Variants in CHRDL2 observed in about 807,000 individuals in gnomAD.
The protein encoded by CHRDL2 is chordin-like protein 2.
CHRDL2 carries 41 observed loss-of-function variants against 54.3 expected under a neutral mutation model. The ratio of observed to expected loss-of-function variants is 0.76; its 90% CI spans 0.59 to 0.98. The LOEUF (loss-of-function observed/expected upper bound fraction) is 0.98. Among genes scored for constraint, CHRDL2 ranks in the 50% least tolerant of loss-of-function variants. CHRDL2 has a pLI of 0.00. For synonymous variants in CHRDL2, 220 were observed against 224.3 expected (o/e 0.98, Z 0.17); for missense variants, 518 against 562.4 (o/e 0.92, Z 0.80).
intron 7 of CHRDL2, 93 bp downstream of exon 7, chr11:74,704,393 G>T: frequency 8.0e-7 from 1 of 1,244,912 alleles, no homozygotes; most frequent in South Asian, 1.5e-5. Context: ...GGGAACTGCT[G>T]AGGAGAGGGT....
intron 8 of CHRDL2, 73 bp downstream of exon 8, chr11:74,703,232 C>A: frequency 6.7e-7 from 1 of 1,493,226 alleles, no homozygotes; most frequent in South Asian, 1.3e-5. Context: ...CTCCAAGTGT[C>A]TGTGGCCCTG....
chr11:74,722,472 G>A (rs2034513466), intron 1 of CHRDL2, among the ~76,000 whole-genome samples: 1 of 152,122 alleles, frequency 6.6e-6, no homozygotes, highest in Non-Finnish European at 1.5e-5. Flanking sequence ...ACCTCTCAGA[G>A]TTACTGTAGA....
rs1180223671 is a variant in CHRDL2 at position 74,731,344 on chromosome 11, C to CCGGCGGGGCGGCGGTCCCAGCAGCGG, written c.-482_-457dup. The CCGGCGGGGCGGCGGTCCCAGCAGCGG allele has an allele frequency of 1.1e-4, 17 of 148,264 alleles. No individual in the cohort carries two copies. Among genetic ancestry groups the CCGGCGGGGCGGCGGTCCCAGCAGCGG allele is most frequent in the African/African-American group, 3.9e-4 (16 of 41,020 alleles). 9.2% of individuals were successfully genotyped at this position (148,264 alleles called of 1,614,324 possible). On this transcript the variant is annotated 5_prime_UTR_variant, in exon 1 of 11. Coordinates refer to ENST00000376332, the MANE Select transcript of CHRDL2 (RefSeq NM_001278473.3). This position sits in a 1 kb window ranked among gnomAD's most constrained non-coding sequence, Gnocchi z 4.4. ...GGGTCGGGCCGCGGGGGCCTGGGGC[C>CCGGCGGGGCGGCGGTCCCAGCAGCGG]CGGCGGGGCGGCGGTCCCAGCAGCG...
At chr11:74,708,151 G>T (rs2034068405) in intron 5 of CHRDL2, 151 bp downstream of exon 5, 1 of 522,452 alleles carries the variant, frequency 1.9e-6, no homozygotes, top group Non-Finnish European at 3.3e-6. Context: ...TCTGCTTTCT[G>T]GGGGGTGCAG....
chr11:74,702,896 C>T lies in CHRDL2; in HGVS notation c.1018G>A (p.Val340Ile), dbSNP rs1421229995. The T allele has an allele frequency of 1.4e-5, 23 of 1,613,978 alleles. No homozygotes were observed. Among genetic ancestry groups the T allele is most frequent in the African/African-American group, 4.0e-5 (3 of 74,890 alleles). ...GGGCTTGGGGATACCGATGTGTGGA[C>T]GAGGACCCGGCCCGGTGCCTTGGGA... ...RCPKAPGRVL[V>I]HTSVSPSPDN... Residue 340 changes from valine to isoleucine, a missense_variant, in exon 9 of 11, where the codon GTC becomes ATC. By Grantham distance (29) the Val-to-Ile change is conservative. Coordinates refer to ENST00000376332, the MANE Select transcript of CHRDL2 (RefSeq NM_001278473.3).
At chr11:74,702,722 C>G in intron 9 of CHRDL2, 72 bp downstream of exon 9, 1 of 1,545,116 alleles carries the variant, frequency 6.5e-7, no homozygotes, top group Non-Finnish European at 8.9e-7. Context: ...CCCTAAGGCC[C>G]CTGTGGGGTC....
At chr11:74,715,933 G>A (rs1233004549) in intron 2 of CHRDL2, among the ~76,000 whole-genome samples, 10 of 151,442 alleles carry the variant, frequency 6.6e-5, no homozygotes, top group African/African-American at 4.9e-5. Flanking sequence ...AGCCGAGATC[G>A]TGCCACTGCA....
intron 10 of CHRDL2, 61 bp downstream of exon 10, chr11:74,697,144 C>T: frequency 7.3e-7 from 1 of 1,375,618 alleles, no homozygotes; most frequent in Non-Finnish European, 1.0e-6. Context: ...CCCCGAAAGG[C>T]TCTGGCCCGT....
chr11:74,722,468 C>CA (rs1032573468), intron 1 of CHRDL2, among the ~76,000 whole-genome samples: 2 of 152,142 alleles, frequency 1.3e-5, no homozygotes, highest in Admixed American at 1.3e-4. Context: ...CTTTACCTCT[C>CA]AGAGTTACTG....
chr11:74,731,146 A>G lies in CHRDL2; in HGVS notation c.-258T>C. On this transcript the variant is annotated 5_prime_UTR_variant, in exon 1 of 11. Transcript: ENST00000376332. The surrounding 1 kb of genome is among the most constrained non-coding windows in gnomAD (Gnocchi z 4.4). ...GAGATGGAGAGACGAAGGAAGGTCC[A>G]GCAGAAGGGAGAGGCGATCAAAGAA... 2.0e-6 allele frequency: 1 copy of G among 504,320 alleles called. No individual in the cohort carries two copies. The highest frequency in any genetic ancestry group is 3.5e-6 in the Non-Finnish European group (1 of 282,630). 31.2% of individuals were successfully genotyped at this position (504,320 alleles called of 1,614,324 possible).
Position 74,730,934 on chromosome 11 carries a change from G to A in CHRDL2, c.-46C>T. 1 of 1,512,190 alleles carries A rather than the reference G, an allele frequency of 6.6e-7. No homozygotes were observed. Among genetic ancestry groups the A allele is most frequent in the Non-Finnish European group, 9.0e-7 (1 of 1,109,446 alleles). The allele number at this position is 1,512,190 out of a possible 1,614,324, so 93.7% of individuals were successfully genotyped here. A position where few individuals can be genotyped will look rare whatever the true frequency, so the allele number is the denominator to read the frequency against. ...GCTGGTCCGGGAGCGGAGTCGGGAG[G>A]AAGGGAGACGAAAAGGACACGGAGG... is the stretch of plus-strand genomic sequence containing the variant. On this transcript the variant is annotated 5_prime_UTR_variant, in exon 1 of 11. Coordinates refer to ENST00000376332, the MANE Select transcript of CHRDL2 (RefSeq NM_001278473.3).
chr11:74,702,741 G>T, intron 9 of CHRDL2, 53 bp downstream of exon 9: 1 of 1,599,812 alleles, frequency 6.3e-7, no homozygotes, highest in Non-Finnish European at 8.6e-7. Flanking sequence ...TCTGGGGCAC[G>T]GGAAGGGGGA....
rs1305905101 is a variant in CHRDL2 at position 74,718,774 on chromosome 11, G to A, written c.141C>T (p.His47=). The change falls in exon 2 of 11, where the codon CAC becomes CAT. Residue 47 remains histidine, a synonymous_variant. Transcript: ENST00000376332. ...TCAGGCCTTGTGGCTCCAAGTAGGG[G>A]TGCCAGCTCTCGCCGGGGGAGTATC... ...GKRYSPGESW[H]PYLEPQGLMY... The A allele has an allele frequency of 6.2e-7, 1 of 1,613,848 alleles. No homozygotes were observed. Among genetic ancestry groups the A allele is most frequent in the Non-Finnish European group, 8.5e-7 (1 of 1,179,890 alleles).
At chr11:74,718,657 G>A (rs2034424502) in intron 2 of CHRDL2, 63 bp downstream of exon 2, 1 of 1,122,800 alleles carries the variant, frequency 8.9e-7, no homozygotes, top group Non-Finnish European at 1.3e-6. Flanking sequence ...CTTCTGGGGT[G>A]ACTTCTCTGG....
At chr11:74,726,205 T>C (rs2034568836) in intron 1 of CHRDL2, among the ~76,000 whole-genome samples, 1 of 152,210 alleles carries the variant, frequency 6.6e-6, no homozygotes, top group African/African-American at 2.4e-5. Context: ...CACATTTTTT[T>C]CTGCCTTGGA....
intron 3 of CHRDL2, 23 bp downstream of exon 3, chr11:74,713,363 T>C: frequency 1.9e-6 from 3 of 1,603,056 alleles, no homozygotes; most frequent in South Asian, 1.1e-5. Context: ...CCATGGACGA[T>C]GGGGAGGAGC....
In CHRDL2 at chr11:74,731,133, C is replaced by A; in HGVS notation, c.-245G>T. 1 of 516,704 alleles carries A rather than the reference C, an allele frequency of 1.9e-6. No homozygotes were observed. Among genetic ancestry groups the A allele is most frequent in the Non-Finnish European group, 3.4e-6 (1 of 289,918 alleles). 32.0% of individuals were successfully genotyped at this position (516,704 alleles called of 1,614,324 possible). ...GGGAAAGGAGGGAGAGATGGAGAGA[C>A]GAAGGAAGGTCCAGCAGAAGGGAGA... On this transcript the variant is annotated 5_prime_UTR_variant, in exon 1 of 11. Transcript: ENST00000376332. This position sits in a 1 kb window ranked among gnomAD's most constrained non-coding sequence, Gnocchi z 4.4.
At chr11:74,730,662 T>C (rs1284453066) in intron 1 of CHRDL2, 145 bp downstream of exon 1, 11 of 749,444 alleles carry the variant, frequency 1.5e-5, no homozygotes, top group East Asian at 2.7e-5. Flanking sequence ...CGGCCCATAC[T>C]GGTCCTCACG....
At position 74,708,391 on chromosome 11, in the gene CHRDL2, C is replaced by A; in HGVS notation, c.437G>T (p.Gly146Val). The change falls in exon 5 of 11, where the codon GGC becomes GTC. Residue 146 changes from glycine to valine, a missense_variant. Physicochemically the swap from Gly to Val is moderately radical, Grantham distance 109. Coordinates refer to ENST00000376332, the MANE Select transcript of CHRDL2 (RefSeq NM_001278473.3). ...GGTTGTGAGGCCGCAGTAGATCTGGCCCTCCTGACAGATAGAGCAAACCAG... is the reference window on the plus strand; with the variant it reads ...GGTTGTGAGGCCGCAGTAGATCTGGACCTCCTGACAGATAGAGCAAACCAG... ...NQCVLCSCTE[G>V]QIYCGLTTCP... 6.4e-7 allele frequency: 1 copy of A among 1,574,300 alleles called. No homozygotes were observed. The highest frequency in any genetic ancestry group is 2.4e-5 in the East Asian group (1 of 41,662).
Sources: allele counts gnomAD v4.1 joint callset (sites outside exome capture counted in the v4.1 genomes callset), GRCh38; gene constraint gnomAD v4.1.1; non-coding constraint Gnocchi (gnomAD v3.1); transcripts MANE v1.5; gene names NCBI Gene and HGNC (gene_info 2026-07-23, HGNC 2026-07-21).